Variants in MAD1L1 observed in about 807,000 individuals in gnomAD.
MAD1L1 encodes mitotic arrest deficient 1 like 1, also known as mitotic spindle assembly checkpoint protein MAD1.
MAD1L1 carries 95 observed loss-of-function variants against 96.9 expected under a neutral mutation model. The ratio of observed to expected loss-of-function variants is 0.98; its 90% CI spans 0.83 to 1.16. The LOEUF (loss-of-function observed/expected upper bound fraction) is 1.16, where lower values mean the gene tolerates loss of function less well. Among genes scored for constraint, MAD1L1 ranks in the 50% most tolerant of loss-of-function variants. The probability of loss-of-function intolerance (pLI) is 0.00; values close to 1 mark genes in which losing one functional copy is unlikely to be tolerated. For synonymous variants in MAD1L1, 473 were observed against 396.6 expected (o/e 1.19, Z -2.29); for missense variants, 1,007 against 954.4 (o/e 1.06, Z -0.73).
At chr7:1,828,416 G>A (rs1313554236) in intron 18 of MAD1L1, among the ~76,000 whole-genome samples, 1 of 152,202 alleles carries the variant, frequency 6.6e-6, no homozygotes, top group Non-Finnish European at 1.5e-5. Context: ...GAGAGGCTGA[G>A]AAAACCTGGA....
intron 18 of MAD1L1, among the ~76,000 whole-genome samples, chr7:1,830,215 G>A (rs1464267594): frequency 6.6e-6 from 1 of 152,172 alleles, no homozygotes; most frequent in East Asian, 1.9e-4. Flanking sequence ...TGGCCAACAT[G>A]GTGAAACCCT....
chr7:1,919,066 G>A (rs889103893), intron 17 of MAD1L1, among the ~76,000 whole-genome samples: 73 of 152,360 alleles, frequency 4.8e-4, no homozygotes, highest in South Asian at 1.4e-3. Context: ...CAAGGACAGG[G>A]ACCTCCTCCT....
At chr7:1,858,772 G>C (rs1021162973) in intron 18 of MAD1L1, among the ~76,000 whole-genome samples, 1 of 152,234 alleles carries the variant, frequency 6.6e-6, no homozygotes, top group Admixed American at 6.5e-5. Flanking sequence ...TGGGGTCCCA[G>C]GGCAAGGGGC....
At chr7:1,944,383 A>G (rs544099300) in intron 16 of MAD1L1, among the ~76,000 whole-genome samples, 3 of 152,258 alleles carry the variant, frequency 2.0e-5, no homozygotes, top group South Asian at 4.1e-4. Flanking sequence ...ATTTCAATAG[A>G]GCTGTTAGAA....
chr7:2,154,521 C>A (rs1392439531), intron 10 of MAD1L1, among the ~76,000 whole-genome samples: 1 of 152,156 alleles, frequency 6.6e-6, no homozygotes, highest in African/African-American at 2.4e-5. Flanking sequence ...GATAAATACT[C>A]AAAGTGATGG....
chr7:1,914,604 T>G (rs907982324), intron 17 of MAD1L1, among the ~76,000 whole-genome samples: 3 of 151,958 alleles, frequency 2.0e-5, no homozygotes, highest in Non-Finnish European at 4.4e-5. Context: ...CGAGATCACA[T>G]CGTGTTGAGT....
intron 18 of MAD1L1, among the ~76,000 whole-genome samples, chr7:1,870,010 C>T (rs531892317): frequency 9.8e-5 from 15 of 152,322 alleles, no homozygotes; most frequent in Admixed American, 3.9e-4. Flanking sequence ...CGTGCCAACC[C>T]GGAGTCCACA....
At chr7:2,097,990 A>G (rs950065783) in intron 11 of MAD1L1, among the ~76,000 whole-genome samples, 1 of 152,114 alleles carries the variant, frequency 6.6e-6, no homozygotes, top group Non-Finnish European at 1.5e-5. Context: ...GTCGCACTGG[A>G]TCAAAGTAAG....
At position 1,933,844 on chromosome 7, in the gene MAD1L1, T is replaced by G. The variant is rs1342952845; in HGVS notation, c.1807+2843A>C. ...AGCCTCCAGATCCACTGTGCTTCAG[T>G]CAGTGGCATCCCTCCCCTAACGCCA... On this transcript the variant is annotated intron_variant, in intron 17 of 18. Transcript: ENST00000265854. 2.6e-5 allele frequency among the ~76,000 whole-genome samples: 4 copies of G among 152,252 alleles called. No individual in the cohort carries two copies. The East Asian group carries it at 7.7e-4, about 29-fold the overall frequency.
At chr7:1,980,424 C>T (rs1014635238) in intron 15 of MAD1L1, 29 bp downstream of exon 15, 8 of 1,581,206 alleles carry the variant, frequency 5.1e-6, no homozygotes, top group Non-Finnish European at 5.2e-6. Context: ...CACACCTGGG[C>T]GTGTCCGCCT....
intron 15 of MAD1L1, among the ~76,000 whole-genome samples, chr7:1,967,543 T>C (rs918583055): frequency 6.6e-6 from 1 of 151,288 alleles, no homozygotes; most frequent in Non-Finnish European, 1.5e-5. Flanking sequence ...GGCGGGAGGG[T>C]GTAGAAGCAG....
At chr7:1,973,235 G>T (rs1330587232) in intron 15 of MAD1L1, among the ~76,000 whole-genome samples, 1 of 151,806 alleles carries the variant, frequency 6.6e-6, no homozygotes, top group Non-Finnish European at 1.5e-5. Flanking sequence ...ATGTAGATCT[G>T]CCCGATTCTC....
At chr7:1,880,249 C>G (rs781167414) in intron 18 of MAD1L1, among the ~76,000 whole-genome samples, 2 of 152,178 alleles carry the variant, frequency 1.3e-5, no homozygotes, top group African/African-American at 4.8e-5. Flanking sequence ...CCTGCCAACA[C>G]CCGGGTTCCT....
At chr7:1,867,748 G>A (rs1784847813) in intron 18 of MAD1L1, among the ~76,000 whole-genome samples, 1 of 152,218 alleles carries the variant, frequency 6.6e-6, no homozygotes, top group African/African-American at 2.4e-5. Context: ...GGTGGCACAG[G>A]GAGGTGACAC....
chr7:2,003,524 G>C (rs1781897432), intron 13 of MAD1L1, among the ~76,000 whole-genome samples: 2 of 150,906 alleles, frequency 1.3e-5, no homozygotes, highest in African/African-American at 4.8e-5. Context: ...GGTGCCTGCT[G>C]GTTCTGGACG....
At chr7:1,943,934 T>G (rs1779113121) in intron 16 of MAD1L1, among the ~76,000 whole-genome samples, 1 of 152,210 alleles carries the variant, frequency 6.6e-6, no homozygotes, top group African/African-American at 2.4e-5. Flanking sequence ...TGACTGGATA[T>G]ATAAGATGCG....
chr7:1,881,819 G>C (rs1271553670), intron 18 of MAD1L1, among the ~76,000 whole-genome samples: 1 of 152,232 alleles, frequency 6.6e-6, no homozygotes, highest in Non-Finnish European at 1.5e-5. Flanking sequence ...CCTCACTCCA[G>C]GTGACGGGTG....
At chr7:1,957,536 T>C in intron 16 of MAD1L1, 93 bp downstream of exon 16, 1 of 1,212,778 alleles carries the variant, frequency 8.2e-7, no homozygotes, top group Non-Finnish European at 1.2e-6. Context: ...AGAAAACGGG[T>C]GTTCTGTGGC....
intron 11 of MAD1L1, among the ~76,000 whole-genome samples, chr7:2,075,693 G>C (rs1174374216): frequency 6.6e-6 from 1 of 152,148 alleles, no homozygotes; most frequent in African/African-American, 2.4e-5. Context: ...ACTTTAATGT[G>C]ATCTTCATCA....
Sources: allele counts gnomAD v4.1 joint callset (sites outside exome capture counted in the v4.1 genomes callset), GRCh38; gene constraint gnomAD v4.1.1; transcripts MANE v1.5; gene names NCBI Gene and HGNC (gene_info 2026-07-23, HGNC 2026-07-21).